Variants in ASAP2 observed in about 807,000 individuals in gnomAD.
ASAP2 encodes arf-GAP with SH3 domain, ANK repeat and PH domain-containing protein 2.
Under a neutral mutation model 131.4 loss-of-function variants are expected in ASAP2, and 45 were observed. The ratio of observed to expected loss-of-function variants is 0.34; its 90% confidence interval spans 0.27 to 0.44. ASAP2 has a LOEUF of 0.44. Among genes scored for constraint, ASAP2 ranks in the 20% least tolerant of loss-of-function variants. The probability of loss-of-function intolerance (pLI) is 1.00; values close to 1 mark genes in which losing one functional copy is unlikely to be tolerated. For synonymous variants in ASAP2, 510 were observed against 503.0 expected (o/e 1.01, Z -0.19); for missense variants, 1,011 against 1,297.0 (o/e 0.78, Z 3.39).
intron 2 of ASAP2, among the ~76,000 whole-genome samples, chr2:9,286,657 A>G (rs1209413090): frequency 6.6e-6 from 1 of 152,164 alleles, no homozygotes; most frequent in Non-Finnish European, 1.5e-5. Context: ...AGATCCATGC[A>G]CAAAGATGTT....
intron 24 of ASAP2, among the ~76,000 whole-genome samples, chr2:9,396,054 C>A (rs556401680): frequency 6.6e-6 from 1 of 152,236 alleles, no homozygotes; most frequent in Admixed American, 6.5e-5. Context: ...AGCTTCCTGT[C>A]CTTAGTAGGT....
At chr2:9,376,690 T>G (rs1033384753) in intron 17 of ASAP2, among the ~76,000 whole-genome samples, 4 of 152,196 alleles carry the variant, frequency 2.6e-5, no homozygotes, top group Admixed American at 6.5e-5. Flanking sequence ...TCTCATTTAT[T>G]TCCCATGGAG....
At chr2:9,289,308 G>A (rs965999016) in intron 2 of ASAP2, among the ~76,000 whole-genome samples, 5 of 152,180 alleles carry the variant, frequency 3.3e-5, no homozygotes, top group African/African-American at 1.2e-4. Flanking sequence ...GCACTGAACT[G>A]ATGGGCTGAG....
intron 1 of ASAP2, among the ~76,000 whole-genome samples, chr2:9,216,453 A>ATTTTTTT (rs999787414): frequency 1.2e-5 from 1 of 85,420 alleles, no homozygotes; most frequent in African/African-American, 4.8e-5. Flanking sequence ...TGCCTGTTTA[A>ATTTTTTT]TTTTTTTTTT....
intron 1 of ASAP2, among the ~76,000 whole-genome samples, chr2:9,237,399 A>T (rs1663627864): frequency 6.7e-6 from 1 of 148,238 alleles, no homozygotes; most frequent in Admixed American, 6.7e-5. Flanking sequence ...GGAAGCACCC[A>T]CTGGGTCTTT....
At chr2:9,248,337 G>A (rs577258040) in intron 1 of ASAP2, among the ~76,000 whole-genome samples, 1 of 152,234 alleles carries the variant, frequency 6.6e-6, no homozygotes, top group Admixed American at 6.5e-5. Flanking sequence ...TTATAACCAA[G>A]ATGGTTTTTA....
intron 19 of ASAP2, among the ~76,000 whole-genome samples, chr2:9,379,444 G>A (rs1192137479): frequency 3.3e-5 from 5 of 152,078 alleles, no homozygotes; most frequent in Admixed American, 2.0e-4. Flanking sequence ...GGGTTTAGAC[G>A]GATTACAGGG....
intron 25 of ASAP2, among the ~76,000 whole-genome samples, chr2:9,400,372 C>A (rs182666851): frequency 1.3e-5 from 1 of 76,802 alleles, no homozygotes; most frequent in Admixed American, 1.1e-4. Flanking sequence ...CTTCCTCCCC[C>A]GCCACCTGCC....
At chr2:9,358,966 AT>A in intron 15 of ASAP2, 77 bp downstream of exon 15, 1 of 1,511,862 alleles carries the variant, frequency 6.6e-7, no homozygotes. Context: ...ATTCTAATCC[AT>A]TTTGGTAAGC....
At chr2:9,236,612 G>A (rs1194104968) in intron 1 of ASAP2, among the ~76,000 whole-genome samples, 1 of 151,992 alleles carries the variant, frequency 6.6e-6, no homozygotes, top group Non-Finnish European at 1.5e-5. Context: ...AGAGGCAAAG[G>A]GAAATAAAAA....
At chr2:9,379,341 A>T (rs966787170) in intron 19 of ASAP2, among the ~76,000 whole-genome samples, 4 of 152,140 alleles carry the variant, frequency 2.6e-5, no homozygotes, top group Non-Finnish European at 4.4e-5. Context: ...ATGCCAGGTG[A>T]ATTTGGACAA....
Position 9,328,073 on chromosome 2 carries a change from G to A in ASAP2, c.686+162G>A, listed in dbSNP as rs144688997. ...CAACACGGGTAAACATTGAGAACAC[G>A]TTCAATGAAGGAAGCCAGACACAAG... is the stretch of plus-strand genomic sequence containing the variant. On this transcript the variant is annotated intron_variant, in intron 7 of 27. Coordinates refer to ENST00000281419, the MANE Select transcript of ASAP2 (RefSeq NM_003887.3). 3.0e-4 allele frequency among the ~76,000 whole-genome samples: 46 copies of A among 152,328 alleles called. 1 individual carries two copies. The highest frequency in any genetic ancestry group is 3.4e-3 in the Middle Eastern group (1 of 294).
chr2:9,317,171 C>T (rs1416501464), intron 3 of ASAP2, among the ~76,000 whole-genome samples: 2 of 121,806 alleles, frequency 1.6e-5, no homozygotes, highest in Admixed American at 1.6e-4. Context: ...CACACTCTCA[C>T]CACACTCAAC....
chr2:9,221,170 C>A (rs1395360990), intron 1 of ASAP2, among the ~76,000 whole-genome samples: 1 of 151,882 alleles, frequency 6.6e-6, no homozygotes, highest in African/African-American at 2.4e-5. Flanking sequence ...ATTTTAGGAT[C>A]AACTTTTCAA....
At chr2:9,240,765 G>T (rs1047546706) in intron 1 of ASAP2, among the ~76,000 whole-genome samples, 2 of 152,152 alleles carry the variant, frequency 1.3e-5, no homozygotes, top group East Asian at 1.9e-4. Context: ...TTACTTAAAG[G>T]AAGTGCTGTA....
intron 3 of ASAP2, among the ~76,000 whole-genome samples, chr2:9,314,337 C>G (rs558539299): frequency 1.3e-5 from 2 of 152,316 alleles, no homozygotes; most frequent in South Asian, 2.1e-4. Context: ...CTCAATAAAT[C>G]ACTTGAATGA....
intron 11 of ASAP2, among the ~76,000 whole-genome samples, 199 bp downstream of exon 11, chr2:9,344,999 T>TTTTAA (rs1468125954): frequency 4.6e-5 from 7 of 151,902 alleles, no homozygotes; most frequent in Admixed American, 3.9e-4. Context: ...TGTTTTTTTT[T>TTTTAA]TTTTAATTTT....
intron 1 of ASAP2, among the ~76,000 whole-genome samples, chr2:9,219,044 T>C (rs1183219047): frequency 6.6e-6 from 1 of 152,212 alleles, no homozygotes; most frequent in Admixed American, 6.5e-5. Context: ...GCAGTATTTT[T>C]TGCAGTCTTT....
rs1664346668 is a variant in ASAP2 at position 9,246,447 on chromosome 2, T to C, written c.127-32870T>C. 2.0e-5 allele frequency among the ~76,000 whole-genome samples: 3 copies of C among 152,082 alleles called. No individual in the cohort carries two copies. The South Asian group carries it at 6.2e-4, about 32-fold the overall frequency. ...AGCTACAGGTGTGCGCTAACATGCC[T>C]GGCTAATTTTTTAAAACAATTTTTT... is the stretch of plus-strand genomic sequence containing the variant. On this transcript the variant is annotated intron_variant, in intron 1 of 27. Transcript: ENST00000281419.
Sources: gnomAD v4.1 joint callset for allele counts (sites outside exome capture counted in the v4.1 genomes callset) on GRCh38, gnomAD v4.1.1 for gene constraint, MANE v1.5 for transcripts, NCBI Gene and HGNC (gene_info 2026-07-23, HGNC 2026-07-21) for gene names.